The following HIVEP3 variants were observed in gnomAD, a reference collection of about 807,000 sequenced individuals.
The protein encoded by HIVEP3 is transcription factor HIVEP3.
Under a neutral mutation model 152.8 loss-of-function variants are expected in HIVEP3, and 49 were observed. The observed-to-expected ratio is 0.32, with a 90% CI of 0.26 to 0.41. HIVEP3 has a LOEUF of 0.41. Among genes scored for constraint, HIVEP3 ranks in the 10% least tolerant of loss-of-function variants. The pLI is 1.00. For synonymous variants in HIVEP3, 1,269 were observed against 1,289.0 expected (o/e 0.98, Z 0.33); for missense variants, 2,790 against 3,103.3 (o/e 0.90, Z 2.40).
Position 41,582,766 on chromosome 1 carries a change from C to T in HIVEP3, c.2032G>A (p.Gly678Ser). 1.2e-6 allele frequency: 2 copies of T among 1,614,192 alleles called. No individual in the cohort carries two copies. Among genetic ancestry groups the T allele is most frequent in the South Asian group, 2.2e-5 (2 of 91,086 alleles). ...ELQIAKPISA[G>S]THTSPEAEKS... Reference sequence around the variant, plus strand: ...TCAGCTTCTGGAGATGTGTGGGTGCCTGCAGAGATGGGCTTTGCGATCTGA... The same window carrying T: ...TCAGCTTCTGGAGATGTGTGGGTGCTTGCAGAGATGGGCTTTGCGATCTGA... Residue 678 changes from glycine to serine, a missense_variant, in exon 4 of 9, where the codon GGC becomes AGC. Physicochemically the swap from Gly to Ser is moderately conservative, Grantham distance 56 (BLOSUM62 0). Coordinates refer to ENST00000372583, the MANE Select transcript of HIVEP3 (RefSeq NM_024503.5). The surrounding 1 kb of genome is among the most constrained non-coding windows in gnomAD (Gnocchi z 4.7).
chr1:41,591,375 G>T (rs1426176271), intron 3 of HIVEP3, among the ~76,000 whole-genome samples: 2 of 152,162 alleles, frequency 1.3e-5, no homozygotes, highest in African/African-American at 4.8e-5. Flanking sequence ...TGGTTCTTGA[G>T]TTGGGCAGAG....
At chr1:41,805,842 G>A (rs1650572191) in intron 1 of HIVEP3, among the ~76,000 whole-genome samples, 1 of 152,142 alleles carries the variant, frequency 6.6e-6, no homozygotes, top group Non-Finnish European at 1.5e-5. Flanking sequence ...CTCTTTTGGG[G>A]GTCTGATTTG....
chr1:41,935,319 T>A (rs1315640751), intron 1 of HIVEP3, among the ~76,000 whole-genome samples: 1 of 152,174 alleles, frequency 6.6e-6, no homozygotes, highest in East Asian at 1.9e-4. Flanking sequence ...GATTTTAAAG[T>A]CCTTACTTTT....
At chr1:41,537,558 C>T (rs747793286) in intron 5 of HIVEP3, among the ~76,000 whole-genome samples, 47 of 152,228 alleles carry the variant, frequency 3.1e-4, no homozygotes, top group Non-Finnish European at 4.6e-4. Flanking sequence ...TCGAGTGAAA[C>T]TCACAGAAGA....
rs1324731308 is a variant in HIVEP3, at chr1:41,508,477, A to G, written c.*1974T>C. On this transcript the variant is annotated 3_prime_UTR_variant, in exon 9 of 9. Transcript: ENST00000372583. ...GCCCTAGTCTCTGAGGGAAGCAGCCAGGAGCTGCTGGCTAACCCTGATTCC... is the reference window on the plus strand; with the variant it reads ...GCCCTAGTCTCTGAGGGAAGCAGCCGGGAGCTGCTGGCTAACCCTGATTCC... The G allele has an allele frequency of 6.6e-6, 1 of 152,272 alleles. No individual in the cohort carries two copies. The highest frequency in any genetic ancestry group is 1.5e-5 in the Non-Finnish European group (1 of 68,078). 9.4% of individuals were successfully genotyped at this position (152,272 alleles called of 1,614,324 possible).
chr1:41,832,284 T>C (rs1274065520), intron 1 of HIVEP3, among the ~76,000 whole-genome samples: 1 of 152,162 alleles, frequency 6.6e-6, no homozygotes, highest in African/African-American at 2.4e-5. Context: ...TCCCAGCCCT[T>C]TGGGAGGCCA....
At chr1:41,871,814 C>T (rs1029221487) in intron 1 of HIVEP3, among the ~76,000 whole-genome samples, 3 of 152,216 alleles carry the variant, frequency 2.0e-5, no homozygotes, top group East Asian at 1.9e-4. Context: ...AATAGGGCTA[C>T]GTCAAGAAGC....
chr1:41,536,859 G>T (rs1444464367), intron 5 of HIVEP3, among the ~76,000 whole-genome samples: 2 of 152,160 alleles, frequency 1.3e-5, no homozygotes, highest in Admixed American at 1.3e-4. Flanking sequence ...TCCCAGAGAG[G>T]TTAAATAACC....
At chr1:41,605,006 G>A (rs1341609887) in intron 3 of HIVEP3, among the ~76,000 whole-genome samples, 1 of 151,638 alleles carries the variant, frequency 6.6e-6, no homozygotes, top group African/African-American at 2.4e-5. Context: ...TTGGGAGGTG[G>A]AGGTGGGAGG....
rs77297468 is a variant in HIVEP3, at chr1:41,864,853, T to C, written c.-801+53560A>G. Among the ~76,000 whole-genome samples the C allele has an allele frequency of 1.1e-4, 17 of 152,366 alleles. No individual in the cohort carries two copies. The East Asian group carries it at 3.1e-3, about 28-fold the overall frequency. ...ATCCAAGGGGGTTACGCTTCAGCGC[T>C]GGCTGCCTCTGACTCTCACCCTTGA... On this transcript the variant is annotated intron_variant, in intron 1 of 8. Coordinates refer to ENST00000372583, the MANE Select transcript of HIVEP3 (RefSeq NM_024503.5).
chr1:41,655,553 A>T lies in HIVEP3; in HGVS notation c.-720-26606T>A, dbSNP rs1049345734. 5.2e-5 allele frequency among the ~76,000 whole-genome samples: 7 copies of T among 133,748 alleles called. 1 individual carries two copies. The highest frequency in any genetic ancestry group is 9.2e-5 in the Non-Finnish European group (6 of 65,332). 87.7% of individuals were successfully genotyped at this position (133,748 alleles called of 152,430 possible). A position where few individuals can be genotyped will look rare whatever the true frequency, so the allele number is the denominator to read the frequency against. The stretch of plus-strand genomic sequence containing the variant: ...AGAAGAGATTGTGCCATTGCACTCC[A>T]GCCTGAGTGACAGAGTGACACTCCA... On this transcript the variant is annotated intron_variant, in intron 2 of 8. Coordinates refer to ENST00000372583, the MANE Select transcript of HIVEP3 (RefSeq NM_024503.5).
intron 2 of HIVEP3, among the ~76,000 whole-genome samples, chr1:41,696,477 G>A (rs1646276404): frequency 6.6e-6 from 1 of 152,248 alleles, no homozygotes; most frequent in African/African-American, 2.4e-5. Flanking sequence ...TCTACATAAG[G>A]TGCCCATTAT....
Position 41,664,497 on chromosome 1 carries a change from C to T in HIVEP3, c.-720-35550G>A, listed in dbSNP as rs1645764639. ...AATAGTTCCTGCCTCTACAGACTTG[C>T]CCATCACCTCACATTGAAGTCAGTT... On this transcript the variant is annotated intron_variant, in intron 2 of 8. Coordinates refer to ENST00000372583, the MANE Select transcript of HIVEP3 (RefSeq NM_024503.5). This position sits in a 1 kb window ranked among gnomAD's most constrained non-coding sequence, Gnocchi z 4.4. 6.6e-6 allele frequency among the ~76,000 whole-genome samples: 1 copy of T among 152,234 alleles called. No homozygotes were observed. The highest frequency in any genetic ancestry group is 2.4e-5 in the African/African-American group (1 of 41,456).
intron 1 of HIVEP3, among the ~76,000 whole-genome samples, chr1:41,978,888 C>T (rs1336895132): frequency 6.6e-6 from 1 of 152,102 alleles, no homozygotes; most frequent in Non-Finnish European, 1.5e-5. Flanking sequence ...GTCCTTGCCC[C>T]TCACCCCTGC....
chr1:41,940,020 A>G (rs1440182231), intron 1 of HIVEP3, among the ~76,000 whole-genome samples: 1 of 152,014 alleles, frequency 6.6e-6, no homozygotes, highest in Admixed American at 6.6e-5. Flanking sequence ...TTAGGCTATT[A>G]GTATTTTCAT....
intron 1 of HIVEP3, among the ~76,000 whole-genome samples, chr1:41,767,498 T>TG (rs1457422732): frequency 6.6e-6 from 1 of 152,160 alleles, no homozygotes; most frequent in Non-Finnish European, 1.5e-5. Flanking sequence ...AATGAGGGTG[T>TG]GGGCCCCACC....
chr1:41,831,377 C>G (rs1642960652), intron 1 of HIVEP3, among the ~76,000 whole-genome samples: 1 of 152,164 alleles, frequency 6.6e-6, no homozygotes, highest in African/African-American at 2.4e-5. Flanking sequence ...GTGATGATCA[C>G]TAGAAATTGT....
In HIVEP3 at chr1:41,664,747, G is replaced by C. The variant is rs1490289486; in HGVS notation, c.-720-35800C>G. ...TGGCTGGGGGCTGGGATGAAAGGCGGGGTTCTCAGCTAGACTGGCTTGAAT... is the reference window on the plus strand; with the variant it reads ...TGGCTGGGGGCTGGGATGAAAGGCGCGGTTCTCAGCTAGACTGGCTTGAAT... On this transcript the variant is annotated intron_variant, in intron 2 of 8. Coordinates refer to ENST00000372583, the MANE Select transcript of HIVEP3 (RefSeq NM_024503.5). This position sits in a 1 kb window ranked among gnomAD's most constrained non-coding sequence, Gnocchi z 4.4. Among the ~76,000 whole-genome samples the C allele has an allele frequency of 1.3e-5, 2 of 152,156 alleles. No individual in the cohort carries two copies. The highest frequency in any genetic ancestry group is 2.4e-5 in the African/African-American group (1 of 41,420).
At chr1:41,639,590 T>C (rs1281822675) in intron 2 of HIVEP3, among the ~76,000 whole-genome samples, 1 of 152,188 alleles carries the variant, frequency 6.6e-6, no homozygotes, top group East Asian at 1.9e-4. Context: ...TCTCCCTCTG[T>C]CAATCTCTCC....
Sources: allele counts gnomAD v4.1 joint callset (sites outside exome capture counted in the v4.1 genomes callset), GRCh38; gene constraint gnomAD v4.1.1; non-coding constraint Gnocchi (gnomAD v3.1); transcripts MANE v1.5; gene names NCBI Gene and HGNC (gene_info 2026-07-23, HGNC 2026-07-21).